The following FSTL4 variants were observed in gnomAD, a reference collection of about 807,000 sequenced individuals.
FSTL4 encodes the protein follistatin-related protein 4.
In FSTL4, 28 loss-of-function variants were observed where a neutral mutation model predicts 78.2. The ratio of observed to expected loss-of-function variants is 0.36; its 90% CI spans 0.27 to 0.49. The LOEUF is 0.49. FSTL4 is among the 20% of genes least tolerant of loss of function. FSTL4 has a pLI of 0.98. For missense variants in FSTL4, 922 were observed against 1,084.9 expected, an observed-to-expected ratio of 0.85 and a Z score of 2.11; for synonymous variants, 422 against 440.5, an observed-to-expected ratio of 0.96 and a Z score of 0.53.
intron 4 of FSTL4, among the ~76,000 whole-genome samples, chr5:133,321,195 A>T (rs914136592): frequency 6.6e-6 from 1 of 152,066 alleles, no homozygotes; most frequent in Non-Finnish European, 1.5e-5. Flanking sequence ...ATCACTGGGC[A>T]TGCTCCTGCC....
At chr5:133,804,345 G>A in the FSTL4 span, among the ~76,000 whole-genome samples, 1 of 152,144 alleles carries the variant, frequency 6.6e-6, no homozygotes, top group Non-Finnish European at 1.5e-5. Context: ...CTGATATAGT[G>A]CAGTGCCCAC....
the FSTL4 span, among the ~76,000 whole-genome samples, chr5:133,835,486 A>T: frequency 6.6e-6 from 1 of 152,226 alleles, no homozygotes; most frequent in African/African-American, 2.4e-5. Context: ...GTAGTTAGAC[A>T]CCCAGGAAGC....
chr5:133,360,774 A>T (rs1425756457), intron 4 of FSTL4, among the ~76,000 whole-genome samples: 1 of 152,230 alleles, frequency 6.6e-6, no homozygotes, highest in Admixed American at 6.5e-5. Flanking sequence ...TTACCCTTCA[A>T]AAATAATAAA....
intron 3 of FSTL4, among the ~76,000 whole-genome samples, chr5:133,516,579 C>T (rs941726000): frequency 4.6e-5 from 7 of 152,160 alleles, no homozygotes; most frequent in African/African-American, 1.7e-4. Context: ...TCTCCATATT[C>T]CCCTATAACA....
the FSTL4 span, among the ~76,000 whole-genome samples, chr5:133,674,137 AC>A: frequency 1.2e-4 from 18 of 152,182 alleles, no homozygotes; most frequent in African/African-American, 4.1e-4. Context: ...AGGACTGACA[AC>A]CCTTCCTCCA....
At chr5:133,508,950 T>C (rs1422524638) in intron 3 of FSTL4, among the ~76,000 whole-genome samples, 2 of 152,122 alleles carry the variant, frequency 1.3e-5, no homozygotes, top group African/African-American at 4.8e-5. Context: ...ATAAGGTAAG[T>C]GTTAATCTTG....
In FSTL4 at chr5:133,199,664, C is replaced by T. The variant is rs185850111; in HGVS notation, c.1960G>A (p.Gly654Ser). Residue 654 changes from glycine to serine, a missense_variant, in exon 16 of 16, where the codon GGC (glycine) becomes AGC (serine). Coordinates refer to ENST00000265342, the MANE Select transcript of FSTL4 (RefSeq NM_015082.2). This position sits in a 1 kb window ranked among gnomAD's most constrained non-coding sequence, Gnocchi z 4.4. ...PQAMAHTHLGGYFFIQCRQDS... is the reference protein window; with the variant it reads ...PQAMAHTHLGSYFFIQCRQDS... ...TGTCGGCACTGGATGAAGAAGTAGC[C>T]GCCCAGGTGGGTGTGTGCCATGGCC... The T allele has an allele frequency of 4.5e-5, 73 of 1,614,162 alleles. No homozygotes were observed. In the Admixed American group the frequency reaches 7.2e-4, roughly 16 times the overall value.
the FSTL4 span, among the ~76,000 whole-genome samples, chr5:133,795,648 G>C: frequency 1.3e-5 from 2 of 152,220 alleles, no homozygotes; most frequent in African/African-American, 4.8e-5. Context: ...TCAGTTGGCC[G>C]TAGGCAGCAT....
At chr5:133,832,473 G>A in the FSTL4 span, among the ~76,000 whole-genome samples, 42 of 152,320 alleles carry the variant, frequency 2.8e-4, no homozygotes, top group Admixed American at 2.7e-3. Flanking sequence ...CTGTGTGGAC[G>A]AAGGCAATTC....
intron 4 of FSTL4, among the ~76,000 whole-genome samples, chr5:133,322,566 C>T (rs1301358775): frequency 6.6e-6 from 1 of 152,166 alleles, no homozygotes; most frequent in Admixed American, 6.5e-5. Flanking sequence ...CCGCCGTGGG[C>T]AATGGGGGTT....
At chr5:133,316,105 TG>T (rs1466083151) in intron 5 of FSTL4, among the ~76,000 whole-genome samples, 1 of 152,200 alleles carries the variant, frequency 6.6e-6, no homozygotes, top group African/African-American at 2.4e-5. Context: ...GTAGAAGACT[TG>T]GGGACTTCCA....
intron 5 of FSTL4, among the ~76,000 whole-genome samples, chr5:133,313,933 G>A (rs760743267): frequency 6.6e-6 from 1 of 152,280 alleles, no homozygotes. Flanking sequence ...CTGCTTGGCA[G>A]ATTTATGAAA....
chr5:133,253,301 C>T (rs922396534), intron 6 of FSTL4, among the ~76,000 whole-genome samples: 5 of 152,198 alleles, frequency 3.3e-5, no homozygotes, highest in Admixed American at 2.0e-4. Flanking sequence ...TGCTAGGCCC[C>T]GAGTGAGCAG....
At chr5:133,481,498 C>T (rs1327012292) in intron 3 of FSTL4, among the ~76,000 whole-genome samples, 14 of 147,242 alleles carry the variant, frequency 9.5e-5, no homozygotes, top group African/African-American at 2.0e-4. Flanking sequence ...GCCAAGATTG[C>T]GCCCCTGCAC....
chr5:133,439,307 T>A (rs945663762), intron 3 of FSTL4, among the ~76,000 whole-genome samples: 1 of 152,200 alleles, frequency 6.6e-6, no homozygotes, highest in Non-Finnish European at 1.5e-5. Flanking sequence ...TAAAACATTC[T>A]TTTTAGAAGC....
intron 6 of FSTL4, among the ~76,000 whole-genome samples, chr5:133,294,299 T>C (rs1397954552): frequency 6.6e-6 from 1 of 152,146 alleles, no homozygotes; most frequent in East Asian, 1.9e-4. Context: ...GTCCAGGGTG[T>C]TAATTTTGGA....
At chr5:133,826,734 G>A in the FSTL4 span, among the ~76,000 whole-genome samples, 2 of 152,326 alleles carry the variant, frequency 1.3e-5, no homozygotes, top group East Asian at 3.9e-4. Flanking sequence ...CACACACTGG[G>A]CTCAGGGACG....
chr5:133,323,037 C>T (rs1268155798), intron 4 of FSTL4, among the ~76,000 whole-genome samples: 2 of 152,166 alleles, frequency 1.3e-5, no homozygotes, highest in Admixed American at 6.5e-5. Context: ...AGGGCATTTT[C>T]ATGAAGCTGG....
At chr5:133,250,621 G>A (rs1480028049) in intron 6 of FSTL4, among the ~76,000 whole-genome samples, 2 of 152,270 alleles carry the variant, frequency 1.3e-5, no homozygotes, top group East Asian at 1.9e-4. Context: ...TCTGCGGGAC[G>A]CTTGTGAGCT....
Sources: allele counts gnomAD v4.1 joint callset (sites outside exome capture counted in the v4.1 genomes callset), GRCh38; gene constraint gnomAD v4.1.1; non-coding constraint Gnocchi (gnomAD v3.1); transcripts MANE v1.5; gene names NCBI Gene and HGNC (gene_info 2026-07-23, HGNC 2026-07-21).